The following NTRK3 variants were observed in gnomAD, a reference collection of about 807,000 sequenced individuals.
The protein encoded by NTRK3 is NT-3 growth factor receptor.
NTRK3 carries 24 observed loss-of-function variants against 91.7 expected under a neutral mutation model. The ratio of observed to expected loss-of-function variants is 0.26; its 90% CI spans 0.19 to 0.37. NTRK3 has a LOEUF of 0.37. Among genes scored for constraint, NTRK3 ranks in the 10% least tolerant of loss-of-function variants. The pLI is 1.00. For missense variants in NTRK3, 880 were observed against 1,068.9 expected, an observed-to-expected ratio of 0.82 and a Z score of 2.46; for synonymous variants, 483 against 404.0, an observed-to-expected ratio of 1.20 and a Z score of -2.34.
intron 13 of NTRK3, among the ~76,000 whole-genome samples, chr15:88,041,783 G>A (rs1354481565): frequency 7.3e-6 from 1 of 137,128 alleles, no homozygotes; most frequent in East Asian, 2.3e-4. Context: ...CACTTCGCGT[G>A]CATCACACCA....
chr15:88,007,677 C>G (rs1033163661), intron 14 of NTRK3, among the ~76,000 whole-genome samples: 4 of 152,190 alleles, frequency 2.6e-5, no homozygotes, highest in African/African-American at 9.7e-5. Flanking sequence ...TGTTTCCAGG[C>G]ATGTGAAATT....
chr15:88,094,761 C>T (rs150310457), intron 13 of NTRK3, among the ~76,000 whole-genome samples: 6 of 152,278 alleles, frequency 3.9e-5, no homozygotes, highest in African/African-American at 9.6e-5. Flanking sequence ...GCCCTGCAGA[C>T]GTGAATGTCC....
At chr15:87,914,647 A>T (rs910291038) in intron 17 of NTRK3, among the ~76,000 whole-genome samples, 9 of 152,348 alleles carry the variant, frequency 5.9e-5, no homozygotes, top group Admixed American at 2.6e-4. Context: ...TTATTGAGGT[A>T]TGGAACAAAC....
chr15:88,031,167 T>C (rs1016674965), intron 14 of NTRK3, among the ~76,000 whole-genome samples: 3 of 152,224 alleles, frequency 2.0e-5, no homozygotes, highest in Admixed American at 6.5e-5. Context: ...TATTGACTGG[T>C]TGATAAAATG....
chr15:87,994,180 G>C (rs1050135561), intron 14 of NTRK3, among the ~76,000 whole-genome samples: 1 of 152,058 alleles, frequency 6.6e-6, no homozygotes, highest in Non-Finnish European at 1.5e-5. Context: ...GCTGGGGAGC[G>C]GGAGACATTC....
At chr15:88,212,920 G>C (rs1433257163) in intron 3 of NTRK3, among the ~76,000 whole-genome samples, 1 of 152,186 alleles carries the variant, frequency 6.6e-6, no homozygotes, top group African/African-American at 2.4e-5. Flanking sequence ...TACTGAGTCA[G>C]AAACAGCCCC....
At chr15:88,231,308 G>A (rs532608507) in intron 3 of NTRK3, among the ~76,000 whole-genome samples, 3 of 151,774 alleles carry the variant, frequency 2.0e-5, no homozygotes, top group South Asian at 2.1e-4. Context: ...TTTCCTCTCC[G>A]CTCCCCTTGC....
intron 13 of NTRK3, among the ~76,000 whole-genome samples, chr15:88,052,253 C>G (rs1008615727): frequency 6.6e-6 from 1 of 152,226 alleles, no homozygotes; most frequent in East Asian, 1.9e-4. Context: ...TCCATCACCC[C>G]CTATCACGTC....
At chr15:87,863,656 A>G (rs1260907209) in exon 19 of NTRK3, 4 of 224,458 alleles carry the variant, frequency 1.8e-5, no homozygotes, top group Non-Finnish European at 2.7e-5. Context: ...CATGTTATTC[A>G]TGAACCTTAA....
In NTRK3 at chr15:88,056,355, A is replaced by G. The variant is rs958919841; in HGVS notation, c.1397-23310T>C. On this transcript the variant is annotated intron_variant, in intron 13 of 18. Transcript: ENST00000394480. The stretch of plus-strand genomic sequence containing the variant: ...TTAATAATAAGAAAATTTTCAGGGC[A>G]TAGGTTGGAGATGAAGGGAGATGAT... Among the ~76,000 whole-genome samples the G allele has an allele frequency of 2.6e-5, 4 of 152,080 alleles. No individual in the cohort carries two copies. In the South Asian group the frequency reaches 8.3e-4, roughly 32 times the overall value.
intron 13 of NTRK3, among the ~76,000 whole-genome samples, chr15:88,062,818 C>T (rs757619316): frequency 2.6e-5 from 4 of 152,230 alleles, no homozygotes; most frequent in Non-Finnish European, 4.4e-5. Flanking sequence ...ACATTGCTTT[C>T]CTTGGGCTAC....
rs570175272 is a variant in NTRK3 at position 87,975,331 on chromosome 15, C to T, written c.1586-34578G>A. On this transcript the variant is annotated intron_variant, in intron 14 of 18. Coordinates refer to ENST00000394480, the Ensembl canonical transcript of NTRK3. The stretch of plus-strand genomic sequence containing the variant: ...CATTCTCTGAGCTTCAGAACCAGCA[C>T]CTGTCAACCAAGTCTCTAGAATGAA... Among the ~76,000 whole-genome samples, 15 of 152,244 alleles carry T rather than the reference C, an allele frequency of 9.9e-5. No homozygotes were observed. In the East Asian group the frequency reaches 2.1e-3, roughly 22 times the overall value.
At chr15:87,950,339 C>T (rs1273159327) in intron 14 of NTRK3, among the ~76,000 whole-genome samples, 1 of 152,218 alleles carries the variant, frequency 6.6e-6, no homozygotes, top group Non-Finnish European at 1.5e-5. Context: ...ACACCATTGA[C>T]CTTGACAGCT....
At chr15:88,151,514 T>C (rs1430157149) in intron 5 of NTRK3, among the ~76,000 whole-genome samples, 1 of 152,156 alleles carries the variant, frequency 6.6e-6, no homozygotes, top group Admixed American at 6.5e-5. Flanking sequence ...TTCCTAATGG[T>C]GGCACCCAAG....
At chr15:87,886,699 T>TACAC (rs1555429881) in intron 17 of NTRK3, among the ~76,000 whole-genome samples, 3 of 138,478 alleles carry the variant, frequency 2.2e-5, no homozygotes, top group East Asian at 2.1e-4. Context: ...TATATATATA[T>TACAC]ACATATATAC....
intron 14 of NTRK3, among the ~76,000 whole-genome samples, chr15:87,964,324 GATAA>G (rs947230560): frequency 1.1e-4 from 16 of 151,192 alleles, no homozygotes; most frequent in African/African-American, 3.6e-4. Context: ...CAGTAATTTG[GATAA>G]ATAATGATAA....
chr15:88,116,861 C>T (rs1285210991), intron 13 of NTRK3, among the ~76,000 whole-genome samples: 3 of 152,230 alleles, frequency 2.0e-5, no homozygotes, highest in Non-Finnish European at 2.9e-5. Flanking sequence ...AGAGAAATTG[C>T]TTGTACCCCA....
intron 14 of NTRK3, among the ~76,000 whole-genome samples, chr15:87,971,136 T>C (rs1291981373): frequency 6.6e-6 from 1 of 152,214 alleles, no homozygotes; most frequent in Non-Finnish European, 1.5e-5. Flanking sequence ...ACTTAGAATT[T>C]AAATTCTCCC....
At chr15:88,231,442 A>G (rs145710449) in intron 3 of NTRK3, among the ~76,000 whole-genome samples, 19 of 151,678 alleles carry the variant, frequency 1.3e-4, no homozygotes, top group African/African-American at 4.6e-4. Context: ...ACGCAGATTA[A>G]AAATAATTGC....
Sources: allele counts gnomAD v4.1 joint callset (sites outside exome capture counted in the v4.1 genomes callset), GRCh38; gene constraint gnomAD v4.1.1; transcripts MANE v1.5; gene names NCBI Gene and HGNC (gene_info 2026-07-23, HGNC 2026-07-21).